The following FBXW11 variants were observed in gnomAD, a reference collection of about 807,000 sequenced individuals.
FBXW11 encodes the protein F-box and WD repeat domain containing 11, also known as F-box/WD repeat-containing protein 11.
In FBXW11, 19 loss-of-function variants were observed where a neutral mutation model predicts 77.6. That is an observed-to-expected ratio of 0.24 (90% CI 0.17 to 0.36). The LOEUF (loss-of-function observed/expected upper bound fraction) is 0.36, where lower values mean the gene tolerates loss of function less well. Ranked by LOEUF, FBXW11 falls within the 10% of genes least tolerant of loss-of-function variation. FBXW11 has a pLI of 1.00. For synonymous variants in FBXW11, 235 were observed against 249.4 expected (o/e 0.94, Z 0.54); for missense variants, 334 against 704.2 (o/e 0.47, Z 5.95).
chr5:171,880,871 T>A (rs1299675501), intron 7 of FBXW11, among the ~76,000 whole-genome samples: 1 of 152,158 alleles, frequency 6.6e-6, no homozygotes, highest in Non-Finnish European at 1.5e-5. Context: ...AATTTTTGTA[T>A]TTTTAGTGGA....
rs1191200826 is a variant in FBXW11 at position 171,905,939 on chromosome 5, C to T, written c.436+4633G>A. On this transcript the variant is annotated intron_variant, in intron 4 of 13. Coordinates refer to ENST00000517395, the MANE Select transcript of FBXW11 (RefSeq NM_001378974.1). ...CATTACAGCCTCAGAAAATTGAGGC[C>T]ATAATACTTCGCACACAGTGCTGAA... is the stretch of plus-strand genomic sequence containing the variant. Among the ~76,000 whole-genome samples the T allele has an allele frequency of 9.2e-5, 14 of 152,262 alleles. 1 individual carries two copies. Among genetic ancestry groups the T allele is most frequent in the Admixed American group, 8.5e-4 (13 of 15,284 alleles).
At chr5:171,950,841 C>G (rs888723032) in intron 2 of FBXW11, among the ~76,000 whole-genome samples, 2 of 152,084 alleles carry the variant, frequency 1.3e-5, no homozygotes, top group Non-Finnish European at 1.5e-5. Flanking sequence ...GAGCCCAGAT[C>G]ATGCCACTAC....
At chr5:172,005,607 T>C (rs1413721990) in intron 1 of FBXW11, among the ~76,000 whole-genome samples, 4 of 152,028 alleles carry the variant, frequency 2.6e-5, no homozygotes, top group Non-Finnish European at 5.9e-5. Flanking sequence ...CAGTGGTTTC[T>C]AACAGAAGAG....
intron 7 of FBXW11, among the ~76,000 whole-genome samples, chr5:171,888,509 CTGA>C (rs1296054928): frequency 2.6e-5 from 4 of 152,242 alleles, no homozygotes; most frequent in African/African-American, 9.6e-5. Flanking sequence ...CGCAACCCCT[CTGA>C]TGATGTCAAG....
At chr5:171,890,693 C>T (rs2113840541) in intron 7 of FBXW11, among the ~76,000 whole-genome samples, 1 of 152,180 alleles carries the variant, frequency 6.6e-6, no homozygotes, top group East Asian at 1.9e-4. Context: ...TAGCTTTATT[C>T]ATAATTGTCA....
At chr5:171,912,355 G>GA (rs1218300179) in intron 3 of FBXW11, among the ~76,000 whole-genome samples, 1 of 152,120 alleles carries the variant, frequency 6.6e-6, no homozygotes, top group Non-Finnish European at 1.5e-5. Flanking sequence ...CAAGGATTTT[G>GA]AAATTTTGCT....
At chr5:171,928,001 C>T (rs1761977473) in intron 2 of FBXW11, among the ~76,000 whole-genome samples, 1 of 152,208 alleles carries the variant, frequency 6.6e-6, no homozygotes, top group African/African-American at 2.4e-5. Context: ...AGGTTGAGCA[C>T]TTCCATCTTC....
intron 2 of FBXW11, among the ~76,000 whole-genome samples, chr5:171,929,090 G>C (rs1002371271): frequency 2.1e-5 from 3 of 144,516 alleles, no homozygotes; most frequent in African/African-American, 7.7e-5. Flanking sequence ...ATAAAAAATA[G>C]GCTGGGCAGT....
chr5:171,983,315 T>G (rs1200693923), intron 1 of FBXW11, among the ~76,000 whole-genome samples: 1 of 152,182 alleles, frequency 6.6e-6, no homozygotes, highest in Non-Finnish European at 1.5e-5. Context: ...TACACATCTC[T>G]TCATCTATAT....
At chr5:171,907,534 T>C (rs1760608145) in intron 4 of FBXW11, among the ~76,000 whole-genome samples, 1 of 152,198 alleles carries the variant, frequency 6.6e-6, no homozygotes, top group Admixed American at 6.5e-5. Flanking sequence ...TACTAGATAC[T>C]AACTAACACA....
intron 2 of FBXW11, among the ~76,000 whole-genome samples, chr5:171,949,096 A>C (rs1488269040): frequency 1.3e-5 from 2 of 152,254 alleles, no homozygotes; most frequent in African/African-American, 4.8e-5. Context: ...AACGTTTGAC[A>C]CTAAACTTTC....
At chr5:171,934,695 T>C (rs1273971947) in intron 2 of FBXW11, among the ~76,000 whole-genome samples, 3 of 123,214 alleles carry the variant, frequency 2.4e-5, no homozygotes, top group African/African-American at 6.1e-5. Context: ...AAAAAAAAAA[T>C]AGAAAATTAT....
At chr5:171,959,812 T>C (rs1044733700) in intron 1 of FBXW11, among the ~76,000 whole-genome samples, 1 of 146,300 alleles carries the variant, frequency 6.8e-6, no homozygotes, top group Non-Finnish European at 1.5e-5. Context: ...ACCACGCCAC[T>C]GCACTCCAGC....
chr5:171,903,101 C>T (rs539934759), intron 4 of FBXW11, among the ~76,000 whole-genome samples: 12 of 152,174 alleles, frequency 7.9e-5, no homozygotes, highest in South Asian at 4.1e-4. Flanking sequence ...CTTCTTGGTA[C>T]CATTCTCAAA....
At chr5:171,961,271 A>G (rs925675832) in intron 1 of FBXW11, among the ~76,000 whole-genome samples, 7 of 152,150 alleles carry the variant, frequency 4.6e-5, no homozygotes, top group South Asian at 2.1e-4. Context: ...AGAAGTCTCA[A>G]CTCTCAGATC....
intron 2 of FBXW11, among the ~76,000 whole-genome samples, chr5:171,939,627 G>T (rs1300309712): frequency 6.8e-6 from 1 of 147,956 alleles, no homozygotes; most frequent in East Asian, 2.0e-4. Flanking sequence ...GATCCCAGGA[G>T]TGGAGGCTGC....
chr5:171,924,546 A>C (rs1293032622), intron 2 of FBXW11, among the ~76,000 whole-genome samples: 1 of 152,044 alleles, frequency 6.6e-6, no homozygotes, highest in African/African-American at 2.4e-5. Context: ...TTGTGAGCAT[A>C]ACCTCATTCT....
chr5:171,876,220 C>G lies in FBXW11; in HGVS notation c.1221+65G>C. ...CAGGTACCAGGTTGGTATAAGCCAC[C>G]TCTGCTTTGTCTCTGTTCTAAAAGG... On this transcript the variant is annotated intron_variant, in intron 9 of 13. Transcript: ENST00000517395. This position sits in a 1 kb window ranked among gnomAD's most constrained non-coding sequence, Gnocchi z 4.2. The G allele has an allele frequency of 6.3e-7, 1 of 1,592,144 alleles. No individual in the cohort carries two copies. The highest frequency in any genetic ancestry group is 1.1e-5 in the South Asian group (1 of 87,320).
intron 7 of FBXW11, among the ~76,000 whole-genome samples, chr5:171,878,782 C>T (rs1489143274): frequency 1.3e-5 from 2 of 151,986 alleles, no homozygotes; most frequent in Admixed American, 6.6e-5. Context: ...AAGCAGGACT[C>T]TGCTTTGTCA....
Sources: gnomAD v4.1 joint callset for allele counts (sites outside exome capture counted in the v4.1 genomes callset) on GRCh38, gnomAD v4.1.1 for gene constraint, Gnocchi (gnomAD v3.1) non-coding constraint, MANE v1.5 for transcripts, NCBI Gene and HGNC (gene_info 2026-07-23, HGNC 2026-07-21) for gene names.